The following POT1 variants were observed in gnomAD, a reference collection of about 807,000 sequenced individuals.
The protein encoded by POT1 is protection of telomeres protein 1.
A neutral mutation model predicts 78.5 loss-of-function variants in POT1; 47 were observed. The ratio of observed to expected loss-of-function variants is 0.60; its 90% CI spans 0.47 to 0.76. The LOEUF (loss-of-function observed/expected upper bound fraction) is 0.76, where lower values mean the gene tolerates loss of function less well. POT1 is among the 30% of genes least tolerant of loss of function. POT1 has a pLI of 0.00. For missense variants in POT1, 646 were observed against 749.9 expected (o/e 0.86, Z 1.62); for synonymous variants, 259 against 260.7 (o/e 0.99, Z 0.06).
intron 16 of POT1, among the ~76,000 whole-genome samples, chr7:124,828,743 C>A (rs1046703295): frequency 1.3e-5 from 2 of 152,058 alleles, no homozygotes; most frequent in African/African-American, 4.8e-5. Context: ...AGACCAAGTT[C>A]AAGAAGTTCA....
chr7:124,903,436 AC>A, intron 3 of POT1, among the ~76,000 whole-genome samples: 1 of 152,362 alleles, frequency 6.6e-6, no homozygotes, highest in South Asian at 2.1e-4. Context: ...TGGGTACATA[AC>A]AAAATGAAGG....
chr7:124,928,520 T>C (rs1347032622), intron 2 of POT1, among the ~76,000 whole-genome samples: 2 of 152,210 alleles, frequency 1.3e-5, no homozygotes, highest in African/African-American at 2.4e-5. Flanking sequence ...TTAATTTTAA[T>C]TGGAGATCAG....
rs569433997 is a variant in POT1, at chr7:124,928,848, C to G, written c.-260G>C. 6.5e-6 allele frequency: 1 copy of G among 152,688 alleles called. No individual in the cohort carries two copies. Among genetic ancestry groups the G allele is most frequent in the African/African-American group, 2.4e-5 (1 of 41,554 alleles). 9.5% of individuals were successfully genotyped at this position (152,688 alleles called of 1,614,324 possible). On this transcript the variant is annotated 5_prime_UTR_variant, in exon 2 of 19. Transcript: ENST00000357628. Reference sequence around the variant, plus strand: ...ATTTCTTGCTATAATTGTAACCTGGCTGTAGGGATCCGAAATCTACTTTAT... The same window carrying G: ...ATTTCTTGCTATAATTGTAACCTGGGTGTAGGGATCCGAAATCTACTTTAT...
intron 5 of POT1, chr7:124,892,902 A>G (rs1410393219): frequency 1.3e-5 from 2 of 151,520 alleles, no homozygotes; most frequent in Non-Finnish European, 3.0e-5. Flanking sequence ...TACATCTTCA[A>G]TGTAAAAGGT....
chr7:124,897,477 C>T (rs1796520356), intron 4 of POT1, among the ~76,000 whole-genome samples: 1 of 151,750 alleles, frequency 6.6e-6, no homozygotes, highest in Non-Finnish European at 1.5e-5. Context: ...ATCTGAAGCA[C>T]AGCAATATTC....
At chr7:124,851,023 T>C (rs1227649636) in intron 11 of POT1, among the ~76,000 whole-genome samples, 1 of 151,966 alleles carries the variant, frequency 6.6e-6, no homozygotes, top group Non-Finnish European at 1.5e-5. Flanking sequence ...CCCAGAATTT[T>C]GGGAGGCTAA....
intron 6 of POT1, among the ~76,000 whole-genome samples, chr7:124,878,115 G>T (rs1379499051): frequency 2.0e-5 from 3 of 152,062 alleles, no homozygotes; most frequent in African/African-American, 7.2e-5. Context: ...TGGATCACTA[G>T]TGGCCAGGAG....
intron 3 of POT1, among the ~76,000 whole-genome samples, chr7:124,901,616 T>C (rs1796621964): frequency 1.3e-5 from 2 of 152,158 alleles, no homozygotes; most frequent in African/African-American, 2.4e-5. Context: ...TCAGAGCACC[T>C]CTTCTCCTCC....
chr7:124,892,261 C>G lies in POT1; in HGVS notation c.124+5G>C. 6.7e-7 allele frequency: 1 copy of G among 1,495,942 alleles called. No individual in the cohort carries two copies. The highest frequency in any genetic ancestry group is 9.0e-7 in the Non-Finnish European group (1 of 1,115,732). 92.7% of individuals were successfully genotyped at this position (1,495,942 alleles called of 1,614,324 possible). A position where few individuals can be genotyped will look rare whatever the true frequency, so the allele number is the denominator to read the frequency against. ...CCAAAAAACTCCACCAGTTTTAATA[C>G]CTACCAGTTCCTTTGCTTAGATATG... On this transcript the variant is annotated splice_donor_5th_base_variant and intron_variant, in intron 6 of 18. Transcript: ENST00000357628.
In POT1 at chr7:124,912,612, G is replaced by A. The variant is rs142001341; in HGVS notation, c.-154+2962C>T. On this transcript the variant is annotated intron_variant, in intron 3 of 18. Transcript: ENST00000357628. ...GTTTATTGTCTTTCTTCCCTAGAAC[G>A]TATGCTGCATAAGGACAACTTTGTT... 6.6e-5 allele frequency among the ~76,000 whole-genome samples: 10 copies of A among 152,132 alleles called. No homozygotes were observed. The South Asian group carries it at 1.2e-3, about 19-fold the overall frequency.
chr7:124,868,387 A>T (rs1245122382), intron 7 of POT1, among the ~76,000 whole-genome samples: 1 of 152,176 alleles, frequency 6.6e-6, no homozygotes, highest in East Asian at 1.9e-4. Flanking sequence ...ATTAAATAAG[A>T]AGGCTTAAAC....
intron 11 of POT1, among the ~76,000 whole-genome samples, chr7:124,847,745 C>A (rs1795206689): frequency 6.6e-6 from 1 of 152,162 alleles, no homozygotes; most frequent in African/African-American, 2.4e-5. Context: ...TGGAAATAAA[C>A]CCACATTTAC....
At chr7:124,918,170 A>T (rs1797064330) in intron 2 of POT1, among the ~76,000 whole-genome samples, 1 of 152,218 alleles carries the variant, frequency 6.6e-6, no homozygotes, top group Non-Finnish European at 1.5e-5. Flanking sequence ...GGACAAATGG[A>T]TTAGTAAATT....
At chr7:124,889,577 C>A (rs1345891294) in intron 6 of POT1, among the ~76,000 whole-genome samples, 1 of 152,036 alleles carries the variant, frequency 6.6e-6, no homozygotes, top group Non-Finnish European at 1.5e-5. Flanking sequence ...ATGGAGAAGT[C>A]AATGCCTGCC....
intron 6 of POT1, among the ~76,000 whole-genome samples, chr7:124,872,966 C>G (rs4501522): frequency 0.32 from 49,302 of 151,994 alleles, 8,002 homozygotes; most frequent in South Asian, 0.4. Context: ...ACCTGTCTGC[C>G]ATTTGTATGT....
Position 124,925,441 on chromosome 7 carries a change from C to T in POT1, c.-227+3374G>A, listed in dbSNP as rs145463919. ...TCTCTGCAAGGAAAACTACAAAGGA[C>T]GGATGAAATAAATTGTAAACAACAT... On this transcript the variant is annotated intron_variant, in intron 2 of 18. Coordinates refer to ENST00000357628, the MANE Select transcript of POT1 (RefSeq NM_015450.3). Among the ~76,000 whole-genome samples the T allele has an allele frequency of 2.2e-4, 34 of 151,970 alleles. No individual in the cohort carries two copies. The East Asian group carries it at 4.4e-3, about 20-fold the overall frequency.
Position 124,825,348 on chromosome 7 carries a change from A to G in POT1, c.1696T>C (p.Phe566Leu). 6.2e-7 allele frequency: 1 copy of G among 1,602,498 alleles called. No homozygotes were observed. The highest frequency in any genetic ancestry group is 8.5e-7 in the Non-Finnish European group (1 of 1,173,780). Residue 566 changes from phenylalanine to leucine, a missense_variant, in exon 18 of 19, where the codon TTC becomes CTC. Phe to Leu is a conservative substitution (Grantham distance 22, BLOSUM62 0). Transcript: ENST00000357628. ...AGAACTTCTGATGCTGGAATCTGGAAGAATTTGTCCTTAAAAATGTTTCAT... is the reference window on the plus strand; with the variant it reads ...AGAACTTCTGATGCTGGAATCTGGAGGAATTTGTCCTTAAAAATGTTTCAT... ...EAYLMDSDKF[F>L]QIPASEVLMD...
Position 124,863,346 on chromosome 7 carries a change from G to A in POT1, c.546+4C>T. On this transcript the variant is annotated splice_donor_region_variant and intron_variant, in intron 8 of 18. Coordinates refer to ENST00000357628, the MANE Select transcript of POT1 (RefSeq NM_015450.3). ...TATAATTCCCAGTATTAAAAAATAT[G>A]TACCTTTAGAAGAAATGATGCTCCG... is the stretch of plus-strand genomic sequence containing the variant. The A allele has an allele frequency of 6.2e-7, 1 of 1,606,616 alleles. No homozygotes were observed. The highest frequency in any genetic ancestry group is 8.5e-7 in the Non-Finnish European group (1 of 1,176,934).
At chr7:124,864,907 A>C (rs996433155) in intron 7 of POT1, among the ~76,000 whole-genome samples, 1 of 152,064 alleles carries the variant, frequency 6.6e-6, no homozygotes, top group Non-Finnish European at 1.5e-5. Context: ...CATTTCTTGT[A>C]TTTTTGTCAC....
Sources: allele counts gnomAD v4.1 joint callset (sites outside exome capture counted in the v4.1 genomes callset), GRCh38; gene constraint gnomAD v4.1.1; transcripts MANE v1.5; gene names NCBI Gene and HGNC (gene_info 2026-07-23, HGNC 2026-07-21).